The following ENTPD5 variants were observed in gnomAD, a reference collection of about 807,000 sequenced individuals.
ENTPD5 encodes the protein ectonucleoside triphosphate diphosphohydrolase 5 (inactive).
Under a neutral mutation model 60.2 loss-of-function variants are expected in ENTPD5, and 49 were observed. The observed-to-expected ratio is 0.81, with a 90% CI of 0.65 to 1.03. The LOEUF (loss-of-function observed/expected upper bound fraction) is 1.03, where lower values mean the gene tolerates loss of function less well. Ranked by LOEUF, ENTPD5 falls within the 50% of genes least tolerant of loss-of-function variation. The pLI is 0.00. For missense variants in ENTPD5, 480 were observed against 507.6 expected, an observed-to-expected ratio of 0.95 and a Z score of 0.52; for synonymous variants, 187 against 185.4, an observed-to-expected ratio of 1.01 and a Z score of -0.07.
intron 1 of ENTPD5, among the ~76,000 whole-genome samples, chr14:74,016,252 GA>G (rs1215536979): frequency 6.6e-6 from 1 of 152,200 alleles, no homozygotes; most frequent in African/African-American, 2.4e-5. Flanking sequence ...ACCAGAGTAT[GA>G]AATCTTGGCA....
intron 3 of ENTPD5, among the ~76,000 whole-genome samples, chr14:74,006,835 TCAGTCTC>T (rs1007866298): frequency 6.6e-6 from 1 of 152,050 alleles, no homozygotes; most frequent in Non-Finnish European, 1.5e-5. Context: ...TCCTCCCACC[TCAGTCTC>T]CCAAAGCATT....
intron 5 of ENTPD5, chr14:73,986,604 C>T (rs2057910931): frequency 3.6e-6 from 2 of 557,914 alleles, no homozygotes; most frequent in Admixed American, 6.2e-5. Flanking sequence ...CCTTGCATTA[C>T]CACAACCAAT....
At chr14:73,956,191 G>A (rs996273577), downstream of ENTPD5, 1 of 385,582 alleles carries the variant, frequency 2.6e-6, no homozygotes, top group Non-Finnish European at 5.0e-6. Flanking sequence ...AGCCAGGCAT[G>A]GTGGCGGGCG....
In ENTPD5 at chr14:74,007,322, C is replaced by T. The variant is rs191172116; in HGVS notation, c.-71+3769G>A. Among the ~76,000 whole-genome samples, 388 of 152,230 alleles carry T rather than the reference C, an allele frequency of 2.5e-3. 11 individuals carry two copies. Among genetic ancestry groups the T allele is most frequent in the Non-Finnish European group, 4.0e-4 (27 of 68,016 alleles). ...GGATCACGAGGTCAGGAAATCAAGACCATCCTGGCTAACACGGTGAAACCC... is the reference window on the plus strand; with the variant it reads ...GGATCACGAGGTCAGGAAATCAAGATCATCCTGGCTAACACGGTGAAACCC... On this transcript the variant is annotated intron_variant, in intron 3 of 15. Coordinates refer to ENST00000334696, the MANE Select transcript of ENTPD5 (RefSeq NM_001249.5).
intron 5 of ENTPD5, chr14:73,986,518 A>T: frequency 3.1e-6 from 1 of 323,576 alleles, no homozygotes; most frequent in Non-Finnish European, 5.8e-6. Context: ...TACATGAACA[A>T]ATACAACTGA....
In ENTPD5 at chr14:73,994,563, T is replaced by A. The variant is rs1443549231; in HGVS notation, c.-70-6391A>T. On this transcript the variant is annotated intron_variant, in intron 3 of 15. Coordinates refer to ENST00000334696, the MANE Select transcript of ENTPD5 (RefSeq NM_001249.5). The stretch of plus-strand genomic sequence containing the variant: ...GACTGGTCAACATGGTGACACCCCA[T>A]CTCTACTAAAAACACAAAAATTAGC... Among the ~76,000 whole-genome samples, 6 of 151,748 alleles carry A rather than the reference T, an allele frequency of 4.0e-5. 1 individual carries two copies. The highest frequency in any genetic ancestry group is 1.5e-4 in the African/African-American group (6 of 41,266).
chr14:73,976,888 T>C (rs1250525585), intron 8 of ENTPD5, 136 bp downstream of exon 8: 1 of 776,912 alleles, frequency 1.3e-6, no homozygotes, highest in African/African-American at 1.8e-5. Context: ...TTAACAGGCA[T>C]GAACTGCCAC....
chr14:74,016,127 T>C (rs1475681454), intron 1 of ENTPD5, among the ~76,000 whole-genome samples, 197 bp from the exon 2 acceptor site: 1 of 152,214 alleles, frequency 6.6e-6, no homozygotes, highest in African/African-American at 2.4e-5. Flanking sequence ...AGCAACTTCC[T>C]ACTCTACTAT....
At chr14:73,993,699 C>CT in intron 3 of ENTPD5, among the ~76,000 whole-genome samples, 1 of 152,194 alleles carries the variant, frequency 6.6e-6, no homozygotes, top group Non-Finnish European at 1.5e-5. Flanking sequence ...CTGGGTCCCT[C>CT]TTTTCCCTCA....
At chr14:74,000,415 G>C (rs1012365327) in intron 3 of ENTPD5, among the ~76,000 whole-genome samples, 1 of 151,120 alleles carries the variant, frequency 6.6e-6, no homozygotes, top group African/African-American at 2.4e-5. Context: ...AGTTGAGATC[G>C]CACCACTGTA....
At chr14:74,005,211 A>T (rs1472211726) in intron 3 of ENTPD5, among the ~76,000 whole-genome samples, 1 of 144,920 alleles carries the variant, frequency 6.9e-6, no homozygotes, top group Non-Finnish European at 1.5e-5. Flanking sequence ...GGTTGCAGTG[A>T]GCTGAGATCG....
At chr14:73,985,927 C>T (rs1001966837) in intron 5 of ENTPD5, among the ~76,000 whole-genome samples, 6 of 151,784 alleles carry the variant, frequency 4.0e-5, no homozygotes, top group South Asian at 2.1e-4. Flanking sequence ...CAAAAATTAG[C>T]CGGGCATGGT....
intron 3 of ENTPD5, among the ~76,000 whole-genome samples, chr14:73,994,521 T>A (rs2058265115): frequency 6.7e-6 from 1 of 150,090 alleles, no homozygotes; most frequent in Admixed American, 6.7e-5. Flanking sequence ...GATCATGAGG[T>A]CAGGAGTTCG....
At chr14:73,983,852 A>G (rs1229652618) in intron 5 of ENTPD5, among the ~76,000 whole-genome samples, 1 of 150,092 alleles carries the variant, frequency 6.7e-6, no homozygotes, top group Non-Finnish European at 1.5e-5. Context: ...CACCACACCC[A>G]GATAATTTTT....
intron 8 of ENTPD5, 121 bp from the exon 9 acceptor site, chr14:73,976,533 A>C: frequency 1.4e-6 from 1 of 713,864 alleles, no homozygotes; most frequent in African/African-American, 1.8e-5. Context: ...CCCAGCCCCA[A>C]GGCTGCAGGT....
chr14:74,005,197 T>C (rs995076218), intron 3 of ENTPD5, among the ~76,000 whole-genome samples: 4 of 131,578 alleles, frequency 3.0e-5, no homozygotes, highest in Admixed American at 8.7e-5. Context: ...ACCCGGGAGA[T>C]GGAGGTTGCA....
At chr14:73,975,872 T>A in intron 10 of ENTPD5, 64 bp downstream of exon 10, 1 of 1,344,524 alleles carries the variant, frequency 7.4e-7, no homozygotes, top group East Asian at 2.3e-5. Flanking sequence ...GATTTGAGAA[T>A]GCTTTGGAAA....
At chr14:73,958,651 C>T (rs2056559100), downstream of ENTPD5, 10 of 1,303,282 alleles carry the variant, frequency 7.7e-6, no homozygotes, top group South Asian at 9.3e-5. Context: ...CCTAACCCTA[C>T]ATCAGAACTA....
chr14:74,017,883 C>T (rs2059092775), intron 1 of ENTPD5, among the ~76,000 whole-genome samples: 1 of 128,348 alleles, frequency 7.8e-6, no homozygotes, highest in Non-Finnish European at 1.6e-5. Context: ...AAACTCTTGT[C>T]TCAAAAAAAA....
Sources: allele counts gnomAD v4.1 joint callset (sites outside exome capture counted in the v4.1 genomes callset), GRCh38; gene constraint gnomAD v4.1.1; transcripts MANE v1.5; gene names NCBI Gene and HGNC (gene_info 2026-07-23, HGNC 2026-07-21).